Variants in COLEC11 observed in about 807,000 individuals in gnomAD.
COLEC11 encodes collectin-11.
In COLEC11, 20 loss-of-function variants were observed where a neutral mutation model predicts 27.3. That is an observed-to-expected ratio of 0.73 (90% CI 0.51 to 1.06). COLEC11 has a LOEUF of 1.06. Ranked by LOEUF, COLEC11 falls within the 50% of genes least tolerant of loss-of-function variation. The pLI is 0.00. For missense variants in COLEC11, 310 were observed against 383.0 expected (o/e 0.81, Z 1.59); for synonymous variants, 163 against 154.7 (o/e 1.05, Z -0.40).
intron 3 of COLEC11, among the ~76,000 whole-genome samples, chr2:3,620,459 G>A (rs549717339): frequency 6.6e-6 from 1 of 151,438 alleles, no homozygotes; most frequent in Non-Finnish European, 1.5e-5. Flanking sequence ...CTAGCTAAAG[G>A]TTCGTCAATT....
chr2:3,620,733 G>C (rs1296244776), intron 3 of COLEC11, among the ~76,000 whole-genome samples: 1 of 151,972 alleles, frequency 6.6e-6, no homozygotes, highest in Non-Finnish European at 1.5e-5. Flanking sequence ...ATAAGTTTTT[G>C]TATGTTGTGT....
At chr2:3,620,536 C>A (rs2872168) in intron 3 of COLEC11, among the ~76,000 whole-genome samples, 101,943 of 151,768 alleles carry the variant, frequency 0.67, 34,967 homozygotes, top group South Asian at 0.83. Flanking sequence ...TCTAGTCTCT[C>A]TTTGATTATT....
chr2:3,630,827 C>T (rs180777356), intron 3 of COLEC11, among the ~76,000 whole-genome samples: 55 of 152,284 alleles, frequency 3.6e-4, no homozygotes, highest in Non-Finnish European at 6.2e-4. Flanking sequence ...AGCCTGTTGC[C>T]GTGACCTTCA....
intron 1 of COLEC11, chr2:3,603,844 G>T: frequency 1.6e-6 from 1 of 627,034 alleles, no homozygotes; most frequent in Admixed American, 2.9e-5. Flanking sequence ...TGGGGGCGTG[G>T]ATTCCTTGTC....
At position 3,644,109 on chromosome 2, in the gene COLEC11, GA is replaced by G; in HGVS notation, c.809del (p.Asn270ThrfsTer37). 6.2e-7 allele frequency: 1 copy of G among 1,611,068 alleles called. No individual in the cohort carries two copies. Among genetic ancestry groups the G allele is most frequent in the Non-Finnish European group, 8.5e-7 (1 of 1,180,032 alleles). On this transcript the variant is annotated frameshift_variant, in exon 7 of 7. Transcript: ENST00000349077. LOFTEE classifies it high-confidence loss of function. ...ACTTCATGTGTGAGTTTGACAAGGA[GA>G]ACATGTGAGCCTCAGGCTGGGGCTG... ...MYFMCEFDKENM is the reference protein window; with the variant it reads ...MYFMCEFDKEXM
At chr2:3,603,800 G>T (rs1285823535) in intron 1 of COLEC11, 9 of 805,584 alleles carry the variant, frequency 1.1e-5, no homozygotes, top group Non-Finnish European at 1.6e-5. Context: ...ACCGAGGAAG[G>T]CCAGGTGCCT....
At chr2:3,625,619 T>A (rs1158307621) in intron 3 of COLEC11, among the ~76,000 whole-genome samples, 2 of 105,672 alleles carry the variant, frequency 1.9e-5, no homozygotes, top group Non-Finnish European at 3.8e-5. Context: ...CTTTTCTTCT[T>A]TTTTACTTTT....
At position 3,604,447 on chromosome 2, in the gene COLEC11, A is replaced by G. The variant is rs750913987; in HGVS notation, c.107A>G (p.Gln36Arg). ...QPAGDDACSVQILVPGLKGDA... is the reference protein window; with the variant it reads ...QPAGDDACSVRILVPGLKGDA... ...GCTGGCGATGACGCCTGCTCTGTGC[A>G]GATCCTCGTCCCTGGCCTCAAAGGT... is the stretch of plus-strand genomic sequence containing the variant. The change falls in exon 2 of 7, where the codon CAG (glutamine) becomes CGG (arginine). Residue 36 changes from glutamine (Q) to arginine (R), a missense_variant. By Grantham distance (43) the Gln-to-Arg change is conservative. Coordinates refer to ENST00000349077, the MANE Select transcript of COLEC11 (RefSeq NM_024027.5). The G allele has an allele frequency of 3.7e-6, 6 of 1,614,184 alleles. No homozygotes were observed. In the South Asian group the frequency reaches 6.6e-5, roughly 18 times the overall value.
intron 2 of COLEC11, chr2:3,606,299 C>T: frequency 2.8e-6 from 4 of 1,452,242 alleles, no homozygotes; most frequent in South Asian, 1.2e-5. Context: ...CCTTTCTGGG[C>T]GCCGCCTTTC....
chr2:3,614,164 A>G (rs1663477338), intron 3 of COLEC11, among the ~76,000 whole-genome samples: 2 of 151,618 alleles, frequency 1.3e-5, no homozygotes, highest in Non-Finnish European at 2.9e-5. Flanking sequence ...TTTAGTAGAG[A>G]CTAGGTTTCA....
chr2:3,634,950 C>T (rs1264286522), intron 3 of COLEC11, among the ~76,000 whole-genome samples: 1 of 152,020 alleles, frequency 6.6e-6, no homozygotes, highest in African/African-American at 2.4e-5. Flanking sequence ...CCTTGCTGTG[C>T]CCCTGCCTGC....
chr2:3,618,213 T>C (rs1334323778), intron 3 of COLEC11, among the ~76,000 whole-genome samples: 2 of 152,222 alleles, frequency 1.3e-5, no homozygotes, highest in African/African-American at 2.4e-5. Flanking sequence ...GTACCACTTA[T>C]TTATTTTTGC....
At chr2:3,597,066 G>A (rs1467056962) in intron 1 of COLEC11, among the ~76,000 whole-genome samples, 2 of 152,280 alleles carry the variant, frequency 1.3e-5, no homozygotes, top group Non-Finnish European at 2.9e-5. Context: ...AGTGGAGCGA[G>A]TGAAGGCATG....
intron 3 of COLEC11, among the ~76,000 whole-genome samples, chr2:3,633,321 G>A (rs1015237337): frequency 6.6e-6 from 1 of 152,242 alleles, no homozygotes; most frequent in South Asian, 2.1e-4. Context: ...GAGGAGGCAC[G>A]TGGCCTGCTG....
chr2:3,617,791 T>C (rs1663883918), intron 3 of COLEC11: 2 of 819,878 alleles, frequency 2.4e-6, no homozygotes, highest in Admixed American at 2.1e-5. Context: ...GCCTCTGTAC[T>C]GTTTTCCATT....
chr2:3,609,352 ATTTTTTTTTTTTTTTT>A (rs567474674), intron 2 of COLEC11, among the ~76,000 whole-genome samples: 4 of 87,510 alleles, frequency 4.6e-5, no homozygotes, highest in African/African-American at 1.8e-4. Flanking sequence ...TTTTTCTTTG[ATTTTTTTTTTTTTTTT>A]TTTTTTTTTT....
At chr2:3,639,950 TG>T (rs1665722953) in intron 4 of COLEC11, among the ~76,000 whole-genome samples, 3 of 152,310 alleles carry the variant, frequency 2.0e-5, no homozygotes, top group African/African-American at 7.2e-5. Flanking sequence ...GTGCTGCTGT[TG>T]GGAGGAGTGG....
At chr2:3,599,980 A>G (rs1242439759) in intron 1 of COLEC11, among the ~76,000 whole-genome samples, 1 of 152,244 alleles carries the variant, frequency 6.6e-6, no homozygotes, top group East Asian at 1.9e-4. Context: ...TCAAGCCTGT[A>G]ATCGCAGCAC....
At chr2:3,611,895 G>A (rs879090154) in intron 2 of COLEC11, among the ~76,000 whole-genome samples, 1 of 152,170 alleles carries the variant, frequency 6.6e-6, no homozygotes, top group Non-Finnish European at 1.5e-5. Context: ...GCGGCAAGCC[G>A]TCCAGGTGCC....
Sources: gnomAD v4.1 joint callset for allele counts (sites outside exome capture counted in the v4.1 genomes callset) on GRCh38, gnomAD v4.1.1 for gene constraint, MANE v1.5 for transcripts, NCBI Gene and HGNC (gene_info 2026-07-23, HGNC 2026-07-21) for gene names.